The following FANCI variants were observed in gnomAD, a reference collection of about 807,000 sequenced individuals.
The protein encoded by FANCI is Fanconi anemia group I protein.
FANCI carries 156 observed loss-of-function variants against 176.1 expected under a neutral mutation model. The observed-to-expected ratio is 0.89, with a 90% CI of 0.78 to 1.01. The LOEUF is 1.01. FANCI is among the 50% of genes least tolerant of loss of function. The pLI is 0.00. For missense variants in FANCI, 1,678 were observed against 1,534.1 expected, an observed-to-expected ratio of 1.09 and a Z score of -1.57; for synonymous variants, 613 against 541.7, an observed-to-expected ratio of 1.13 and a Z score of -1.83.
At chr15:89,254,045 A>G (rs950266069) in intron 2 of FANCI, among the ~76,000 whole-genome samples, 6 of 152,124 alleles carry the variant, frequency 3.9e-5, no homozygotes, top group East Asian at 1.9e-4. Context: ...GCTCTCTCCA[A>G]TGAAAGAACC....
intron 8 of FANCI, among the ~76,000 whole-genome samples, chr15:89,264,237 A>G (rs1413477735): frequency 6.6e-6 from 1 of 152,242 alleles, no homozygotes; most frequent in African/African-American, 2.4e-5. Flanking sequence ...TCATCCAAGG[A>G]AAACATGCAT....
rs28733554 is a variant in FANCI at position 89,251,905 on chromosome 15, C to T, written c.84+4174C>T. Among the ~76,000 whole-genome samples, 716 of 152,178 alleles carry T rather than the reference C, an allele frequency of 4.7e-3. 6 individuals are homozygous for T. Among genetic ancestry groups the T allele is most frequent in the African/African-American group, 0.016 (645 of 41,516 alleles). On this transcript the variant is annotated intron_variant, in intron 2 of 37. Coordinates refer to ENST00000310775, the MANE Select transcript of FANCI (RefSeq NM_001113378.2). The stretch of plus-strand genomic sequence containing the variant: ...ACCATAGAGACATTTCCTCTAAGGC[C>T]GGGAACAAAGCAATGATGCCTACTG...
chr15:89,260,086 A>G (rs2052651792), intron 3 of FANCI, among the ~76,000 whole-genome samples: 2 of 152,074 alleles, frequency 1.3e-5, no homozygotes, highest in African/African-American at 4.8e-5. Flanking sequence ...TTAGGATGCC[A>G]ATTTTTTCAC....
intron 8 of FANCI, 102 bp downstream of exon 8, chr15:89,264,128 C>G (rs1368545181): frequency 1.6e-6 from 2 of 1,277,080 alleles, no homozygotes; most frequent in East Asian, 2.3e-5. Context: ...CAAACATAGC[C>G]GAACATAGAT....
At chr15:89,266,033 G>A (rs544621816) in intron 9 of FANCI, among the ~76,000 whole-genome samples, 9 of 135,572 alleles carry the variant, frequency 6.6e-5, no homozygotes, top group African/African-American at 2.4e-4. Flanking sequence ...GTCTTGCCCT[G>A]TTGTCCAGGT....
intron 37 of FANCI, 82 bp from the exon 38 acceptor site, chr15:89,316,315 G>T: frequency 7.4e-7 from 1 of 1,342,522 alleles, no homozygotes; most frequent in Non-Finnish European, 1.0e-6. Context: ...TGAGAAGATA[G>T]AGTCTTTTTT....
At chr15:89,259,160 A>T (rs1237628170) in intron 3 of FANCI, 1 of 215,496 alleles carries the variant, frequency 4.6e-6, no homozygotes, top group African/African-American at 2.3e-5. Context: ...AAGGTGCCTT[A>T]TATAGAGATT....
intron 2 of FANCI, among the ~76,000 whole-genome samples, chr15:89,251,960 C>A (rs2052271867): frequency 6.6e-6 from 1 of 152,138 alleles, no homozygotes; most frequent in South Asian, 2.1e-4. Context: ...TTCTGATTGG[C>A]TAGCCTATGC....
At chr15:89,264,766 A>G (rs1596249750) in intron 9 of FANCI, 159 bp downstream of exon 9, 1 of 602,448 alleles carries the variant, frequency 1.7e-6, no homozygotes, top group East Asian at 3.2e-5. Context: ...AGAGAATAAC[A>G]TGATCTCTTC....
At chr15:89,304,738 G>A (rs572778415) in intron 28 of FANCI, among the ~76,000 whole-genome samples, 4 of 151,460 alleles carry the variant, frequency 2.6e-5, no homozygotes, top group Admixed American at 6.6e-5. Flanking sequence ...CACACACCCT[G>A]TACACATACC....
Position 89,274,307 on chromosome 15 carries a change from A to G in FANCI, c.1112+3A>G, listed in dbSNP as rs367970067. The G allele has an allele frequency of 1.1e-5, 17 of 1,613,258 alleles. No individual in the cohort carries two copies. In the African/African-American group the frequency reaches 2.0e-4, roughly 19 times the overall value. On this transcript the variant is annotated splice_donor_region_variant and intron_variant, in intron 12 of 37. Coordinates refer to ENST00000310775, the MANE Select transcript of FANCI (RefSeq NM_001113378.2). ...ATCTTGGAAGTAGTGAAGAATAGGT[A>G]AGTTGGTGAACCATATCTCAAAAGG...
intron 2 of FANCI, among the ~76,000 whole-genome samples, chr15:89,254,317 G>A (rs950318493): frequency 1.3e-5 from 2 of 152,146 alleles, no homozygotes; most frequent in South Asian, 2.1e-4. Flanking sequence ...TCAGAGAAAC[G>A]GATAAGTTTA....
intron 35 of FANCI, among the ~76,000 whole-genome samples, chr15:89,313,926 C>CACACACACACACACAT (rs1364757336): frequency 6.8e-6 from 1 of 146,538 alleles, no homozygotes; most frequent in East Asian, 2.0e-4. Context: ...CACACACACA[C>CACACACACACACACAT]GTAGGACCTA....
At chr15:89,309,290 G>C (rs181251905) in intron 34 of FANCI, among the ~76,000 whole-genome samples, 6 of 151,956 alleles carry the variant, frequency 3.9e-5, no homozygotes, top group Non-Finnish European at 7.4e-5. Flanking sequence ...TCCCATATTT[G>C]GGTTTTGAGT....
chr15:89,257,105 A>G (rs1231977485), intron 2 of FANCI, among the ~76,000 whole-genome samples: 2 of 151,990 alleles, frequency 1.3e-5, no homozygotes, highest in Non-Finnish European at 2.9e-5. Context: ...ACGGGGTTTC[A>G]CCGTGTTAGC....
intron 10 of FANCI, among the ~76,000 whole-genome samples, chr15:89,271,533 C>G (rs981667925): frequency 6.6e-6 from 1 of 152,196 alleles, no homozygotes; most frequent in African/African-American, 2.4e-5. Flanking sequence ...TGGTCTCACT[C>G]TGTCACCTAG....
At chr15:89,311,067 C>A (rs1168874843) in intron 34 of FANCI, among the ~76,000 whole-genome samples, 2 of 151,572 alleles carry the variant, frequency 1.3e-5, no homozygotes, top group Admixed American at 1.3e-4. Flanking sequence ...ACTAGCCCGG[C>A]CAACATGGTG....
intron 18 of FANCI, among the ~76,000 whole-genome samples, chr15:89,287,952 TAAAGAG>T (rs2053888025): frequency 1.3e-5 from 2 of 152,252 alleles, no homozygotes; most frequent in East Asian, 1.9e-4. Context: ...CATACAATAA[TAAAGAG>T]AAAGTTTGAA....
At chr15:89,296,472 G>A (rs959219074) in intron 24 of FANCI, among the ~76,000 whole-genome samples, 3 of 152,014 alleles carry the variant, frequency 2.0e-5, no homozygotes, top group African/African-American at 7.2e-5. Flanking sequence ...TTAACCCTGA[G>A]TGGACACAGC....
Sources: gnomAD v4.1 joint callset for allele counts (sites outside exome capture counted in the v4.1 genomes callset) on GRCh38, gnomAD v4.1.1 for gene constraint, MANE v1.5 for transcripts, NCBI Gene and HGNC (gene_info 2026-07-23, HGNC 2026-07-21) for gene names.